The following EXOC5 variants were observed in gnomAD, a reference collection of about 807,000 sequenced individuals.
The protein encoded by EXOC5 is exocyst complex component 5.
In EXOC5, 17 loss-of-function variants were observed where a neutral mutation model predicts 90.8. The ratio of observed to expected loss-of-function variants is 0.19; its 90% CI spans 0.13 to 0.28. The LOEUF (loss-of-function observed/expected upper bound fraction) is 0.28, where lower values mean the gene tolerates loss of function less well. Among genes scored for constraint, EXOC5 ranks in the 10% least tolerant of loss-of-function variants. EXOC5 has a pLI of 1.00. For synonymous variants in EXOC5, 260 were observed against 270.0 expected, an observed-to-expected ratio of 0.96 and a Z score of 0.36; for missense variants, 569 against 830.6, an observed-to-expected ratio of 0.69 and a Z score of 3.87.
At chr14:57,264,154 C>T (rs906437177) in intron 1 of EXOC5, among the ~76,000 whole-genome samples, 2 of 152,206 alleles carry the variant, frequency 1.3e-5, no homozygotes, top group Non-Finnish European at 2.9e-5. Flanking sequence ...TGAATACATT[C>T]TATCATATCC....
At chr14:57,244,455 G>A in intron 3 of EXOC5, 96 bp from the exon 4 acceptor site, 4 of 873,430 alleles carry the variant, frequency 4.6e-6, no homozygotes, top group Non-Finnish European at 7.4e-6. Flanking sequence ...GATAACAGAA[G>A]TTATATACGA....
chr14:57,268,624 C>G lies in EXOC5; in HGVS notation c.25G>C (p.Glu9Gln), dbSNP rs1884772063. 1.9e-6 allele frequency: 3 copies of G among 1,590,800 alleles called. No individual in the cohort carries two copies. Among genetic ancestry groups the G allele is most frequent in the Non-Finnish European group, 2.6e-6 (3 of 1,174,240 alleles). Residue 9 changes from glutamate (E) to glutamine (Q), a missense_variant and splice_region_variant, in exon 1 of 18, where the codon GAG becomes CAG. Glu to Gln is a conservative substitution (Grantham distance 29, BLOSUM62 2). This residue lies in a region of EXOC5 where 22 missense variants were observed against 16.6 expected (regional missense o/e 1.33). Coordinates refer to ENST00000621441, the MANE Select transcript of EXOC5 (RefSeq NM_006544.4). ...CCTGTAGAGCCGCCGGGGCCCACCTCGAAGAGCTCGGCCGTGGTAGCCATC... is the reference window on the plus strand; with the variant it reads ...CCTGTAGAGCCGCCGGGGCCCACCTGGAAGAGCTCGGCCGTGGTAGCCATC... MATTAELF[E>Q]EPFVADEYIE...
intron 17 of EXOC5, 58 bp from the exon 18 acceptor site, chr14:57,208,855 T>C: frequency 8.2e-7 from 1 of 1,218,872 alleles, no homozygotes; most frequent in Non-Finnish European, 1.2e-6. Context: ...AGTTTTACAA[T>C]TAGCTTGTAA....
intron 4 of EXOC5, 50 bp from the exon 5 acceptor site, chr14:57,239,709 C>CA: frequency 9.0e-7 from 1 of 1,114,412 alleles, no homozygotes; most frequent in Non-Finnish European, 1.3e-6. Flanking sequence ...TTAGGCATAT[C>CA]AAAAAATAAT....
chr14:57,255,418 C>T (rs1381995282), intron 1 of EXOC5, among the ~76,000 whole-genome samples: 1 of 152,142 alleles, frequency 6.6e-6, no homozygotes, highest in Non-Finnish European at 1.5e-5. Context: ...TACCATATCA[C>T]ACCAAAGGAC....
In EXOC5 at chr14:57,202,499, T is replaced by C. The variant is rs371361868; in HGVS notation, c.*6110A>G. 2 of 152,354 alleles carry C rather than the reference T, an allele frequency of 1.3e-5. No homozygotes were observed. The highest frequency in any genetic ancestry group is 6.5e-5 in the Admixed American group (1 of 15,302). The allele number at this position is 152,354 out of a possible 1,614,324, so 9.4% of individuals were successfully genotyped here. ...ACTTATTCTCAAAAGGGAAAAATTT[T>C]ATTTGTACAGTATTTACAACCCTTC... On this transcript the variant is annotated 3_prime_UTR_variant, in exon 18 of 18. Transcript: ENST00000621441.
At chr14:57,234,569 C>A (rs1219412922) in intron 7 of EXOC5, among the ~76,000 whole-genome samples, 1 of 122,506 alleles carries the variant, frequency 8.2e-6, no homozygotes, top group East Asian at 2.4e-4. Context: ...ATATATATTT[C>A]TTTTTTTTTT....
chr14:57,231,890 T>C, intron 10 of EXOC5, 175 bp from the exon 11 acceptor site: 4 of 517,212 alleles, frequency 7.7e-6, no homozygotes, highest in Middle Eastern at 5.2e-4. Flanking sequence ...TACATATAAA[T>C]ACAGTGAAAT....
Position 57,201,697 on chromosome 14 carries a change from C to T in EXOC5, c.*6912G>A, listed in dbSNP as rs2139596650. 1 of 150,868 alleles carries T rather than the reference C, an allele frequency of 6.6e-6. No homozygotes were observed. Among genetic ancestry groups the T allele is most frequent in the Non-Finnish European group, 1.5e-5 (1 of 67,756 alleles). 9.3% of individuals were successfully genotyped at this position (150,868 alleles called of 1,614,324 possible). A position where few individuals can be genotyped will look rare whatever the true frequency, so the allele number is the denominator to read the frequency against. ...GCTAGGAGTTTGACACCAGCCTGAC[C>T]AACACGGCAAAACCCCATTTCTACT... On this transcript the variant is annotated 3_prime_UTR_variant, in exon 18 of 18. Transcript: ENST00000621441.
rs769852391 is a variant in EXOC5, at chr14:57,268,675, C to T, written c.-27G>A. ...CCGGCCGGCTGAGAGGCTCGCCCCC[C>T]ACTGGATGCCGTCTCCGCTTCACAT... On this transcript the variant is annotated 5_prime_UTR_variant, in exon 1 of 18. Coordinates refer to ENST00000621441, the MANE Select transcript of EXOC5 (RefSeq NM_006544.4). 1.3e-6 allele frequency: 2 copies of T among 1,574,964 alleles called. No homozygotes were observed. The highest frequency in any genetic ancestry group is 1.7e-6 in the Non-Finnish European group (2 of 1,169,518).
chr14:57,202,375 T>C lies in EXOC5; in HGVS notation c.*6234A>G, dbSNP rs755171787. The C allele has an allele frequency of 3.9e-5, 6 of 152,208 alleles. No individual in the cohort carries two copies. Among genetic ancestry groups the C allele is most frequent in the Admixed American group, 2.0e-4 (3 of 15,276 alleles). The allele number at this position is 152,208 out of a possible 1,614,324, so 9.4% of individuals were successfully genotyped here. ...GGATTAGATAGTAGTAATATGTCAA[T>C]GTTAACTTCCCAATTTTCATGTATT... On this transcript the variant is annotated 3_prime_UTR_variant, in exon 18 of 18. Transcript: ENST00000621441.
intron 13 of EXOC5, among the ~76,000 whole-genome samples, chr14:57,221,947 C>G (rs1883152305): frequency 6.6e-6 from 1 of 152,066 alleles, no homozygotes; most frequent in African/African-American, 2.4e-5. Flanking sequence ...TTTTTCCAGA[C>G]TTAGTTTTTA....
chr14:57,215,552 G>A (rs2139613594), intron 15 of EXOC5, among the ~76,000 whole-genome samples: 1 of 151,138 alleles, frequency 6.6e-6, no homozygotes, highest in Middle Eastern at 3.4e-3. Context: ...TTAACAGAAT[G>A]AAGGATAAAA....
intron 7 of EXOC5, 90 bp from the exon 8 acceptor site, chr14:57,234,122 G>C: frequency 1.0e-6 from 1 of 1,004,824 alleles, no homozygotes; most frequent in East Asian, 2.6e-5. Flanking sequence ...ATAAAGCTAT[G>C]ACTATTTACC....
intron 1 of EXOC5, among the ~76,000 whole-genome samples, chr14:57,248,579 C>T (rs1472131916): frequency 6.6e-6 from 1 of 151,890 alleles, no homozygotes. Flanking sequence ...AATAAAATTT[C>T]AAATGTTCAC....
Position 57,233,746 on chromosome 14 carries a change from T to C in EXOC5, c.852A>G (p.Leu284=), listed in dbSNP as rs1291638287. 1 of 1,539,964 alleles carries C rather than the reference T, an allele frequency of 6.5e-7. No homozygotes were observed. The highest frequency in any genetic ancestry group is 8.9e-7 in the Non-Finnish European group (1 of 1,117,402). The change falls in exon 9 of 18, where the codon CTA becomes CTG. Residue 284 remains leucine (L), a synonymous_variant. Transcript: ENST00000621441. The part of the protein sequence containing the change: ...KLIQNVFEIK[L]QSFVKEQLEE... ...ATTTGTTACTATTTAAAATTACCTGTAGTTTGATTTCAAATACATTTTGAA... is the reference window on the plus strand; with the variant it reads ...ATTTGTTACTATTTAAAATTACCTGCAGTTTGATTTCAAATACATTTTGAA...
intron 10 of EXOC5, 86 bp from the exon 11 acceptor site, chr14:57,231,801 A>G (rs1883495511): frequency 1.2e-6 from 1 of 851,704 alleles, no homozygotes; most frequent in Admixed American, 2.7e-5. Context: ...TTACAACGTG[A>G]CTTTCATGAC....
chr14:57,238,275 G>C (rs989022857), intron 5 of EXOC5, among the ~76,000 whole-genome samples: 5 of 98,590 alleles, frequency 5.1e-5, no homozygotes, highest in African/African-American at 1.5e-4. Context: ...CCACCACTCA[G>C]GTACATACTT....
intron 1 of EXOC5, chr14:57,268,407 G>T (rs972138089): frequency 3.4e-5 from 47 of 1,371,762 alleles, no homozygotes; most frequent in Non-Finnish European, 4.4e-5. Flanking sequence ...CCTCTCTGCC[G>T]ACCGGCCGCC....
Sources: allele counts gnomAD v4.1 joint callset (sites outside exome capture counted in the v4.1 genomes callset), GRCh38; gene constraint gnomAD v4.1.1; regional missense constraint gnomAD v4.1.1; transcripts MANE v1.5; gene names NCBI Gene and HGNC (gene_info 2026-07-23, HGNC 2026-07-21).